The following MED13L variants were observed in gnomAD, a reference collection of about 807,000 sequenced individuals.
MED13L encodes mediator complex subunit 13L, also known as mediator of RNA polymerase II transcription subunit 13-like.
In MED13L, 7 loss-of-function variants were observed where a neutral mutation model predicts 220.9. The ratio of observed to expected loss-of-function variants is 0.03; its 90% CI spans 0.02 to 0.06. The LOEUF (loss-of-function observed/expected upper bound fraction) is 0.06, where lower values mean the gene tolerates loss of function less well. Ranked by LOEUF, MED13L falls within the 10% of genes least tolerant of loss-of-function variation. The pLI is 1.00. For synonymous variants in MED13L, 1,011 were observed against 1,015.2 expected (o/e 1.00, Z 0.08); for missense variants, 1,965 against 2,760.5 (o/e 0.71, Z 6.46).
intron 4 of MED13L, among the ~76,000 whole-genome samples, chr12:116,052,543 A>C (rs966244123): frequency 6.6e-6 from 1 of 152,220 alleles, no homozygotes; most frequent in Non-Finnish European, 1.5e-5. Context: ...GCCATCCTAA[A>C]AGGGTGTTAA....
intron 14 of MED13L, among the ~76,000 whole-genome samples, chr12:115,999,357 A>C (rs527531743): frequency 1.3e-5 from 2 of 152,182 alleles, no homozygotes; most frequent in African/African-American, 4.8e-5. Context: ...CGCCACTGCA[A>C]TCCAGCCTCG....
chr12:115,997,630 C>T (rs933257563), intron 14 of MED13L, among the ~76,000 whole-genome samples: 20 of 152,322 alleles, frequency 1.3e-4, no homozygotes, highest in African/African-American at 4.8e-4. Flanking sequence ...CCATGTTGCC[C>T]AGGCTGGTCT....
Position 116,019,534 on chromosome 12 carries a change from T to G in MED13L, c.821-122A>C, listed in dbSNP as rs987704703. ...TGAAGTACTGCCAAAAGTGATAGGC[T>G]CCATTCTTTCATAAGTTAATAGCTG... On this transcript the variant is annotated intron_variant, in intron 6 of 30. Transcript: ENST00000281928. The G allele has an allele frequency of 1.4e-5, 17 of 1,193,562 alleles. No homozygotes were observed. In the Admixed American group the frequency reaches 3.3e-4, roughly 23 times the overall value. The allele number at this position is 1,193,562 out of a possible 1,614,324, so 73.9% of individuals were successfully genotyped here. A position where few individuals can be genotyped will look rare whatever the true frequency, so the allele number is the denominator to read the frequency against.
chr12:116,044,507 C>A (rs1881716086), intron 4 of MED13L, among the ~76,000 whole-genome samples: 1 of 152,090 alleles, frequency 6.6e-6, no homozygotes, highest in South Asian at 2.1e-4. Flanking sequence ...AAAAAAGAGG[C>A]CATACTATAG....
chr12:116,041,131 G>C (rs538847430), intron 4 of MED13L, among the ~76,000 whole-genome samples: 199 of 152,254 alleles, frequency 1.3e-3, no homozygotes, highest in African/African-American at 4.4e-3. Flanking sequence ...ATCTCATCTC[G>C]AATTGTAATC....
At chr12:116,008,258 A>G in intron 10 of MED13L, 143 bp downstream of exon 10, 1 of 1,177,326 alleles carries the variant, frequency 8.5e-7, no homozygotes, top group East Asian at 2.5e-5. Context: ...GCATTTGACC[A>G]TTAAACATTT....
chr12:115,996,921 G>T, intron 15 of MED13L, 89 bp downstream of exon 15: 1 of 1,346,788 alleles, frequency 7.4e-7, no homozygotes, highest in Non-Finnish European at 1.1e-6. Context: ...TGTATATATG[G>T]CACACAGACA....
chr12:116,113,193 C>T (rs1029116287), intron 2 of MED13L, among the ~76,000 whole-genome samples: 1 of 152,172 alleles, frequency 6.6e-6, no homozygotes, highest in African/African-American at 2.4e-5. Context: ...GCAGTATCTT[C>T]CTACATAATC....
At chr12:116,017,311 A>G (rs1879785526) in intron 7 of MED13L, among the ~76,000 whole-genome samples, 1 of 152,228 alleles carries the variant, frequency 6.6e-6, no homozygotes, top group Non-Finnish European at 1.5e-5. Context: ...TCAAAGCCTC[A>G]TTTACACAGC....
chr12:116,081,635 G>A lies in MED13L; in HGVS notation c.479+15034C>T, dbSNP rs561357486. Among the ~76,000 whole-genome samples, 33 of 152,314 alleles carry A rather than the reference G, an allele frequency of 2.2e-4. No homozygotes were observed. In the South Asian group the frequency reaches 6.6e-3, roughly 31 times the overall value. On this transcript the variant is annotated intron_variant, in intron 4 of 30. Coordinates refer to ENST00000281928, the MANE Select transcript of MED13L (RefSeq NM_015335.5). ...ACAGTGGCACACATCTGTAATCCCA[G>A]CACTTTGGAAGGCCAAGGCACTTGA...
At chr12:116,062,634 T>G (rs1230572960) in intron 4 of MED13L, among the ~76,000 whole-genome samples, 1 of 151,924 alleles carries the variant, frequency 6.6e-6, no homozygotes, top group East Asian at 1.9e-4. Context: ...ACTATAGGCA[T>G]GCGCCACCAC....
intron 4 of MED13L, among the ~76,000 whole-genome samples, chr12:116,068,682 C>T (rs1215389108): frequency 6.6e-5 from 10 of 152,154 alleles, no homozygotes; most frequent in Admixed American, 6.5e-4. Context: ...TGACTTTCTA[C>T]ATGTGCTTTT....
intron 2 of MED13L, among the ~76,000 whole-genome samples, chr12:116,143,711 T>C (rs915322294): frequency 6.6e-6 from 1 of 152,170 alleles, no homozygotes; most frequent in African/African-American, 2.4e-5. Flanking sequence ...TTGCTACATG[T>C]CACTATGAAA....
intron 2 of MED13L, among the ~76,000 whole-genome samples, chr12:116,148,313 T>C (rs1431802063): frequency 6.6e-6 from 1 of 151,790 alleles, no homozygotes; most frequent in African/African-American, 2.4e-5. Flanking sequence ...ATTAAATACA[T>C]TTTTGTGGAA....
intron 25 of MED13L, among the ~76,000 whole-genome samples, chr12:115,973,958 C>T (rs1045571685): frequency 3.3e-5 from 5 of 152,004 alleles, no homozygotes; most frequent in African/African-American, 1.2e-4. Flanking sequence ...GCGAGGTACA[C>T]TTAGGCATTC....
Position 115,983,363 on chromosome 12 carries a change from GAAC to G in MED13L, c.4706_4708del (p.Ser1569_Ser1570delinsThr). The G allele has an allele frequency of 6.2e-7, 1 of 1,614,194 alleles. No homozygotes were observed. The highest frequency in any genetic ancestry group is 1.1e-5 in the South Asian group (1 of 91,086). Reference sequence around the variant, plus strand: ...AGAACTACTTGCTGCAGGATTTGTAGAACTACTATTCGAGGTGGGATTAAATGC... The same window carrying G: ...AGAACTACTTGCTGCAGGATTTGTAGTACTATTCGAGGTGGGATTAAATGC... On this transcript the variant is annotated inframe_deletion, in exon 21 of 31. Transcript: ENST00000281928.
intron 4 of MED13L, among the ~76,000 whole-genome samples, chr12:116,042,278 G>C (rs1881579005): frequency 6.6e-6 from 1 of 152,204 alleles, no homozygotes; most frequent in African/African-American, 2.4e-5. Flanking sequence ...TACAAGAAAG[G>C]TACCATCTTG....
chr12:116,156,510 G>A (rs1478230196), intron 2 of MED13L, among the ~76,000 whole-genome samples: 2 of 151,982 alleles, frequency 1.3e-5, no homozygotes, highest in East Asian at 3.8e-4. Context: ...GCAAGTTAAG[G>A]AAAAGATGTT....
In MED13L at chr12:116,229,437, C is replaced by CT. The variant is rs540782715; in HGVS notation, c.310+8030dup. 1.6e-3 allele frequency among the ~76,000 whole-genome samples: 247 copies of CT among 152,082 alleles called. 2 individuals carry two copies. The highest frequency in any genetic ancestry group is 5.4e-3 in the African/African-American group (222 of 41,490). ...CTTACCAACAAACTGAAAATTATAA[C>CT]TTTTTTTTACCAATTCTTTAATTTT... On this transcript the variant is annotated intron_variant, in intron 2 of 30. Coordinates refer to ENST00000281928, the MANE Select transcript of MED13L (RefSeq NM_015335.5).
Sources: allele counts gnomAD v4.1 joint callset (sites outside exome capture counted in the v4.1 genomes callset), GRCh38; gene constraint gnomAD v4.1.1; transcripts MANE v1.5; gene names NCBI Gene and HGNC (gene_info 2026-07-23, HGNC 2026-07-21).